The following ELMO1 variants were observed in gnomAD, a reference collection of about 807,000 sequenced individuals.
The protein encoded by ELMO1 is engulfment and cell motility 1.
A neutral mutation model predicts 98.9 loss-of-function variants in ELMO1; 26 were observed. The ratio of observed to expected loss-of-function variants is 0.26; its 90% confidence interval spans 0.19 to 0.36. The LOEUF is 0.36. Ranked by LOEUF, ELMO1 falls within the 10% of genes least tolerant of loss-of-function variation. The pLI is 1.00. For missense variants in ELMO1, 627 were observed against 935.2 expected, an observed-to-expected ratio of 0.67 and a Z score of 4.30; for synonymous variants, 346 against 346.0, an observed-to-expected ratio of 1.00 and a Z score of 0.00.
chr7:37,124,947 A>T (rs993780034), intron 14 of ELMO1, among the ~76,000 whole-genome samples: 1 of 152,230 alleles, frequency 6.6e-6, no homozygotes, highest in African/African-American at 2.4e-5. Flanking sequence ...GATATAGATC[A>T]ATGGAACAGA....
At chr7:37,382,252 G>GTCAA (rs1802609535) in intron 1 of ELMO1, among the ~76,000 whole-genome samples, 2 of 152,300 alleles carry the variant, frequency 1.3e-5, no homozygotes. Context: ...CCAGTTTAGA[G>GTCAA]TCAATCATTC....
Position 36,959,183 on chromosome 7 carries a change from C to T in ELMO1, c.1437+54116G>A, listed in dbSNP as rs139513271. Among the ~76,000 whole-genome samples the T allele has an allele frequency of 8.1e-3, 1,230 of 152,246 alleles. 9 individuals carry two copies. Among genetic ancestry groups the T allele is most frequent in the Middle Eastern group, 0.027 (8 of 294 alleles). On this transcript the variant is annotated intron_variant, in intron 16 of 21. Coordinates refer to ENST00000310758, the MANE Select transcript of ELMO1 (RefSeq NM_014800.11). ...CAAATAAATTCAGAGCATGCCCACT[C>T]CTTGTCATCTCTAACCCCTCCACCT... is the stretch of plus-strand genomic sequence containing the variant.
At chr7:37,218,171 TA>T (rs1195395391) in intron 10 of ELMO1, among the ~76,000 whole-genome samples, 2 of 152,174 alleles carry the variant, frequency 1.3e-5, no homozygotes, top group African/African-American at 4.8e-5. Flanking sequence ...TTCTTTCCTT[TA>T]AAAAGATGAA....
chr7:37,057,176 C>T (rs1796430747), intron 15 of ELMO1, among the ~76,000 whole-genome samples: 3 of 152,048 alleles, frequency 2.0e-5, no homozygotes, highest in African/African-American at 7.2e-5. Flanking sequence ...GCAGGTTTTA[C>T]ATTATTTTTT....
intron 4 of ELMO1, among the ~76,000 whole-genome samples, chr7:37,282,266 C>CATCT (rs1164683075): frequency 2.6e-5 from 4 of 152,214 alleles, no homozygotes; most frequent in Admixed American, 1.3e-4. Context: ...GCAGCTCCAG[C>CATCT]ATCTTCCCTG....
chr7:37,141,423 G>T (rs1465213825), intron 13 of ELMO1, among the ~76,000 whole-genome samples: 1 of 152,154 alleles, frequency 6.6e-6, no homozygotes, highest in Non-Finnish European at 1.5e-5. Flanking sequence ...AGTGTACACT[G>T]CTCGGGTGAC....
At chr7:37,080,436 C>CTT (rs1192675212) in intron 15 of ELMO1, among the ~76,000 whole-genome samples, 37 of 136,532 alleles carry the variant, frequency 2.7e-4, no homozygotes, top group Middle Eastern at 3.8e-3. Context: ...CACCATCCCA[C>CTT]TTTTTTTTTT....
chr7:37,221,412 GCTC>G (rs1793588160), intron 10 of ELMO1, among the ~76,000 whole-genome samples: 1 of 152,120 alleles, frequency 6.6e-6, no homozygotes. Context: ...CTGCCATCAA[GCTC>G]CCCAGCATAG....
At chr7:37,273,856 G>A (rs1796692828) in intron 4 of ELMO1, among the ~76,000 whole-genome samples, 1 of 152,224 alleles carries the variant, frequency 6.6e-6, no homozygotes, top group African/African-American at 2.4e-5. Context: ...ATATAAGATT[G>A]CTTGCTTCCT....
rs183230206 is a variant in ELMO1, at chr7:37,120,184, C to A, written c.1191+12946G>T. On this transcript the variant is annotated intron_variant, in intron 14 of 21. Transcript: ENST00000310758. ...AGGTTCCAAGATGGCCAAATAGGAA[C>A]AGCTCCAGTCTACAGCTCCCAGCGT... 1.2e-4 allele frequency among the ~76,000 whole-genome samples: 18 copies of A among 152,284 alleles called. 1 individual carries two copies. The highest frequency in any genetic ancestry group is 4.3e-4 in the African/African-American group (18 of 41,564).
At chr7:36,923,538 G>C (rs1289621456) in intron 16 of ELMO1, among the ~76,000 whole-genome samples, 1 of 152,202 alleles carries the variant, frequency 6.6e-6, no homozygotes, top group African/African-American at 2.4e-5. Context: ...CAGAGGAAGA[G>C]GCTGGGTGAA....
intron 16 of ELMO1, among the ~76,000 whole-genome samples, chr7:36,897,434 CT>C (rs201987882): frequency 4.8e-5 from 7 of 145,884 alleles, no homozygotes; most frequent in Non-Finnish European, 4.5e-5. Context: ...AGAGCCTTTT[CT>C]TTTTTTTTTG....
At chr7:37,155,503 A>AAAAAATAAAAAAAAATAAAAAAT (rs61189239) in intron 13 of ELMO1, among the ~76,000 whole-genome samples, 1 of 131,738 alleles carries the variant, frequency 7.6e-6, no homozygotes, top group Non-Finnish European at 1.6e-5. Flanking sequence ...AAAAAAAAAA[A>AAAAAATAAAAAAAAATAAAAAAT]AAAAAGCAGG....
chr7:36,926,213 T>C (rs1418035122), intron 16 of ELMO1, among the ~76,000 whole-genome samples: 1 of 152,176 alleles, frequency 6.6e-6, no homozygotes, highest in African/African-American at 2.4e-5. Context: ...TGAGAGTCCA[T>C]CCTCATCTCT....
chr7:37,117,446 C>A (rs1420743461), intron 14 of ELMO1, among the ~76,000 whole-genome samples: 1 of 152,168 alleles, frequency 6.6e-6, no homozygotes, highest in Non-Finnish European at 1.5e-5. Context: ...TCTGCCCTCC[C>A]TCCCTGGGAC....
intron 16 of ELMO1, among the ~76,000 whole-genome samples, chr7:36,914,747 C>A (rs952579997): frequency 6.6e-6 from 1 of 152,052 alleles, no homozygotes; most frequent in Non-Finnish European, 1.5e-5. Flanking sequence ...CTTTTGACCT[C>A]GTGATCTGCC....
chr7:37,190,550 T>C (rs540169612), intron 13 of ELMO1, among the ~76,000 whole-genome samples: 12 of 152,292 alleles, frequency 7.9e-5, no homozygotes, highest in Non-Finnish European at 1.0e-4. Flanking sequence ...CAGGCTAGAG[T>C]GCCATAGCGT....
intron 16 of ELMO1, among the ~76,000 whole-genome samples, chr7:36,968,446 C>T (rs1789628952): frequency 6.6e-6 from 1 of 152,016 alleles, no homozygotes; most frequent in Non-Finnish European, 1.5e-5. Context: ...ATATTTTATC[C>T]CAAATATATT....
chr7:37,233,534 A>C (rs1269269321), intron 7 of ELMO1, among the ~76,000 whole-genome samples: 1 of 152,170 alleles, frequency 6.6e-6, no homozygotes, highest in Non-Finnish European at 1.5e-5. Context: ...AGATGGTGAT[A>C]TCTATCTAGC....
Sources: gnomAD v4.1 joint callset for allele counts (sites outside exome capture counted in the v4.1 genomes callset) on GRCh38, gnomAD v4.1.1 for gene constraint, MANE v1.5 for transcripts, NCBI Gene and HGNC (gene_info 2026-07-23, HGNC 2026-07-21) for gene names.